The following STXBP6 variants were observed in gnomAD, a reference collection of about 807,000 sequenced individuals.
STXBP6 encodes the protein syntaxin binding protein 6, also known as syntaxin-binding protein 6.
A neutral mutation model predicts 26.9 loss-of-function variants in STXBP6; 21 were observed. The ratio of observed to expected loss-of-function variants is 0.78; its 90% CI spans 0.55 to 1.12. STXBP6 has a LOEUF of 1.12. Among genes scored for constraint, STXBP6 ranks in the 50% most tolerant of loss-of-function variants. The pLI, the probability that STXBP6 is intolerant of heterozygous loss-of-function variation, is 0.00. For missense variants in STXBP6, 232 were observed against 257.9 expected (o/e 0.90, Z 0.69); for synonymous variants, 97 against 92.6 (o/e 1.05, Z -0.27).
At chr14:25,044,988 C>T (rs183417711) in intron 1 of STXBP6, among the ~76,000 whole-genome samples, 278 of 152,252 alleles carry the variant, frequency 1.8e-3, no homozygotes, top group South Asian at 8.7e-3. Flanking sequence ...AAATGTTCTT[C>T]TCTACTCTGA....
In STXBP6 at chr14:24,809,947, G is replaced by A. The variant is rs927267001; in HGVS notation, c.*2762C>T. 6.6e-6 allele frequency: 1 copy of A among 152,072 alleles called. No individual in the cohort carries two copies. The highest frequency in any genetic ancestry group is 1.5e-5 in the Non-Finnish European group (1 of 67,998). The allele number at this position is 152,072 out of a possible 1,614,324, so 9.4% of individuals were successfully genotyped here. ...TAAAACAGTTTTCACTGTAACTTAA[G>A]TCTAACACGTAATCTGAACTTCTTC... On this transcript the variant is annotated 3_prime_UTR_variant, in exon 6 of 6. Coordinates refer to ENST00000323944, the MANE Select transcript of STXBP6 (RefSeq NM_001394410.1).
At chr14:25,017,315 T>C (rs553095186) in intron 1 of STXBP6, among the ~76,000 whole-genome samples, 52 of 152,310 alleles carry the variant, frequency 3.4e-4, no homozygotes, top group Non-Finnish European at 6.8e-4. Context: ...AGACCACCCA[T>C]GTCATACTGT....
At chr14:24,973,640 C>A (rs1348188037) in intron 2 of STXBP6, among the ~76,000 whole-genome samples, 1 of 152,078 alleles carries the variant, frequency 6.6e-6, no homozygotes, top group Non-Finnish European at 1.5e-5. Context: ...CCTGCCTTGG[C>A]CTCCCAAAGT....
chr14:24,947,404 AT>A (rs1252558590), intron 2 of STXBP6, among the ~76,000 whole-genome samples: 3 of 152,228 alleles, frequency 2.0e-5, no homozygotes, highest in Non-Finnish European at 4.4e-5. Flanking sequence ...GGAGAAGTAA[AT>A]CAGAAAACTC....
chr14:25,025,720 T>C lies in STXBP6; in HGVS notation c.-33+24158A>G, dbSNP rs559608836. On this transcript the variant is annotated intron_variant, in intron 1 of 5. Coordinates refer to ENST00000323944, the MANE Select transcript of STXBP6 (RefSeq NM_001394410.1). ...CAAATCTGAAAGCACTACACACTGT[T>C]AAGTATCACGAGGGACACTCATAAA... Among the ~76,000 whole-genome samples the C allele has an allele frequency of 4.6e-5, 7 of 152,290 alleles. No homozygotes were observed. In the South Asian group the frequency reaches 1.5e-3, roughly 32 times the overall value.
At chr14:25,009,171 T>C (rs76208837) in intron 1 of STXBP6, among the ~76,000 whole-genome samples, 9,477 of 152,270 alleles carry the variant, frequency 0.062, 344 homozygotes, top group Middle Eastern at 0.088. Context: ...TCGAACTGTA[T>C]TATAAGACGT....
At chr14:24,899,197 A>G (rs1383653402) in intron 2 of STXBP6, among the ~76,000 whole-genome samples, 1 of 152,222 alleles carries the variant, frequency 6.6e-6, no homozygotes, top group Non-Finnish European at 1.5e-5. Context: ...CCGTACATAA[A>G]TTTGATTTCT....
chr14:25,013,912 T>C (rs1458953160), intron 1 of STXBP6, among the ~76,000 whole-genome samples: 4 of 152,142 alleles, frequency 2.6e-5, no homozygotes, highest in Admixed American at 2.0e-4. Context: ...ACTGACTAAA[T>C]AGCCCATATT....
intron 2 of STXBP6, among the ~76,000 whole-genome samples, chr14:24,860,478 C>T (rs569626700): frequency 6.6e-6 from 1 of 152,238 alleles, no homozygotes; most frequent in South Asian, 2.1e-4. Context: ...GGCTGAAAGA[C>T]CACTTTTTCC....
At chr14:24,959,427 T>G (rs1471107213) in intron 2 of STXBP6, among the ~76,000 whole-genome samples, 1 of 152,120 alleles carries the variant, frequency 6.6e-6, no homozygotes, top group Non-Finnish European at 1.5e-5. Flanking sequence ...GAGCAATCTC[T>G]CCTTCAGACC....
At chr14:24,969,589 A>G (rs2073840412) in intron 2 of STXBP6, among the ~76,000 whole-genome samples, 1 of 152,226 alleles carries the variant, frequency 6.6e-6, no homozygotes, top group Admixed American at 6.5e-5. Context: ...ATAATCAGGT[A>G]TGTAGTAAAC....
intron 1 of STXBP6, among the ~76,000 whole-genome samples, chr14:24,993,120 A>T (rs1040609592): frequency 6.6e-6 from 1 of 152,106 alleles, no homozygotes; most frequent in African/African-American, 2.4e-5. Context: ...CATTTCTAAG[A>T]CTTCAAGTAC....
At chr14:24,816,594 G>A (rs12890808) in intron 5 of STXBP6, 62,963 of 151,492 alleles carry the variant, frequency 0.42, 13,785 homozygotes, top group African/African-American at 0.57. Context: ...AACACAAGCT[G>A]TCCACGCCTC....
intron 4 of STXBP6, among the ~76,000 whole-genome samples, chr14:24,838,260 C>A (rs1214135325): frequency 2.0e-5 from 3 of 152,200 alleles, no homozygotes; most frequent in South Asian, 2.1e-4. Context: ...ATCTACCCAA[C>A]TCGGCCTCCC....
intron 2 of STXBP6, among the ~76,000 whole-genome samples, chr14:24,904,448 C>T (rs185010655): frequency 1.3e-5 from 2 of 152,200 alleles, no homozygotes; most frequent in East Asian, 1.9e-4. Context: ...ATGGCGAACC[C>T]GCAATTACTT....
chr14:24,852,636 T>C (rs1450758141), intron 4 of STXBP6, among the ~76,000 whole-genome samples: 1 of 152,078 alleles, frequency 6.6e-6, no homozygotes, highest in African/African-American at 2.4e-5. Flanking sequence ...GATGACTCGA[T>C]TGTTCTTAGG....
chr14:25,015,265 T>C (rs2075123347), intron 1 of STXBP6, among the ~76,000 whole-genome samples: 1 of 152,176 alleles, frequency 6.6e-6, no homozygotes, highest in African/African-American at 2.4e-5. Context: ...GGGATTTCTC[T>C]GGTTCTTCTA....
At chr14:24,875,936 T>C (rs190515075) in intron 2 of STXBP6, among the ~76,000 whole-genome samples, 1 of 152,160 alleles carries the variant, frequency 6.6e-6, no homozygotes, top group Non-Finnish European at 1.5e-5. Context: ...AGCGTTGAAA[T>C]AGTGGCAGGA....
rs768762120 is a variant in STXBP6, at chr14:24,855,928, C to T, written c.451+8G>A. 82 of 1,593,920 alleles carry T rather than the reference C, an allele frequency of 5.1e-5. No homozygotes were observed. Among genetic ancestry groups the T allele is most frequent in the Non-Finnish European group, 4.4e-5 (51 of 1,172,264 alleles). On this transcript the variant is annotated splice_region_variant and intron_variant, in intron 4 of 5. Transcript: ENST00000323944. ...AGGATGACTAAAGTCACACAAATGT[C>T]CACTCACCTCCCATAATTTTGGATT...
Sources: allele counts gnomAD v4.1 joint callset (sites outside exome capture counted in the v4.1 genomes callset), GRCh38; gene constraint gnomAD v4.1.1; transcripts MANE v1.5; gene names NCBI Gene and HGNC (gene_info 2026-07-23, HGNC 2026-07-21).